Variants in FBXL2 observed in about 807,000 individuals in gnomAD.
The protein encoded by FBXL2 is F-box and leucine rich repeat protein 2, also known as F-box/LRR-repeat protein 2.
Under a neutral mutation model 69.2 loss-of-function variants are expected in FBXL2, and 38 were observed. The ratio of observed to expected loss-of-function variants is 0.55; its 90% CI spans 0.42 to 0.72. FBXL2 has a LOEUF of 0.72. Among genes scored for constraint, FBXL2 ranks in the 30% least tolerant of loss-of-function variants. The pLI, the probability that FBXL2 is intolerant of heterozygous loss-of-function variation, is 0.00. For missense variants in FBXL2, 354 were observed against 520.3 expected (o/e 0.68, Z 3.11); for synonymous variants, 192 against 201.3 (o/e 0.95, Z 0.39).
chr3:33,327,092 TTCTG>T (rs1291425432), intron 2 of FBXL2, among the ~76,000 whole-genome samples: 1 of 152,200 alleles, frequency 6.6e-6, no homozygotes, highest in Non-Finnish European at 1.5e-5. Context: ...GTACCATATA[TTCTG>T]TCTAATGTTT....
chr3:33,305,286 A>T (rs2036614299), intron 2 of FBXL2, among the ~76,000 whole-genome samples: 1 of 151,974 alleles, frequency 6.6e-6, no homozygotes. Context: ...ACTGTGGTAC[A>T]TATGTTTATA....
At chr3:33,297,234 A>G (rs930867340) in intron 1 of FBXL2, among the ~76,000 whole-genome samples, 3 of 152,184 alleles carry the variant, frequency 2.0e-5, no homozygotes, top group Non-Finnish European at 2.9e-5. Flanking sequence ...TTATTTTTAT[A>G]TAACTATATT....
Position 33,387,025 on chromosome 3 carries a change from AAGC to A in FBXL2, c.*1420_*1422del, listed in dbSNP as rs1001604554. Reference sequence around the variant, plus strand: ...TATGTCAGCTGCATTCTAGGAAGAGAAGCAGATTATATATATATATAATCTCCC... The same window carrying A: ...TATGTCAGCTGCATTCTAGGAAGAGAAGATTATATATATATATAATCTCCC... On this transcript the variant is annotated 3_prime_UTR_variant, in exon 15 of 15. Coordinates refer to ENST00000484457, the MANE Select transcript of FBXL2 (RefSeq NM_012157.5). 3.9e-5 allele frequency: 6 copies of A among 152,204 alleles called. No individual in the cohort carries two copies. The highest frequency in any genetic ancestry group is 1.4e-4 in the African/African-American group (6 of 41,454). The allele number at this position is 152,204 out of a possible 1,614,324, so 9.4% of individuals were successfully genotyped here.
At chr3:33,399,622 A>G (rs1485200041) in intron 12 of FBXL2, among the ~76,000 whole-genome samples, 1 of 152,218 alleles carries the variant, frequency 6.6e-6, no homozygotes, top group African/African-American at 2.4e-5. Context: ...CAGAATGTAA[A>G]GTGGTTGCCA....
the FBXL2 span, among the ~76,000 whole-genome samples, chr3:33,415,024 T>C: frequency 6.6e-6 from 1 of 152,236 alleles, no homozygotes; most frequent in South Asian, 2.1e-4. Context: ...TAATTTTGTA[T>C]ATTAAATGTT....
intron 4 of FBXL2, among the ~76,000 whole-genome samples, chr3:33,359,630 C>T (rs1030338597): frequency 1.3e-5 from 2 of 151,910 alleles, no homozygotes; most frequent in Non-Finnish European, 2.9e-5. Flanking sequence ...ATCATTATCA[C>T]CTGGTTCAGT....
downstream of FBXL2, among the ~76,000 whole-genome samples, chr3:33,408,424 G>A (rs937631282): frequency 1.3e-5 from 2 of 152,120 alleles, no homozygotes; most frequent in East Asian, 3.9e-4. Flanking sequence ...GTCAGGGAGG[G>A]AATACATATC....
chr3:33,412,799 C>A, the FBXL2 span: 1 of 1,613,952 alleles, frequency 6.2e-7, no homozygotes, highest in East Asian at 2.2e-5. Flanking sequence ...TTGTAGCCGT[C>A]TGTCATGGAA....
downstream of FBXL2, chr3:33,392,964 GTTTT>G (rs1226412538): frequency 3.2e-6 from 1 of 310,924 alleles, no homozygotes; most frequent in Admixed American, 4.9e-5. Flanking sequence ...TATCTTACAT[GTTTT>G]TTTAAATTAG....
chr3:33,377,320 C>T lies in FBXL2; in HGVS notation c.836C>T (p.Thr279Ile). ...RCSHLTDAGF[T>I]LLARNCHELE... ...TCCCATTTGACTGACGCAGGTTTTA[C>T]ACTTTTAGCTCGGGTAAGGCATAGA... Residue 279 changes from threonine (T) to isoleucine (I), a missense_variant, in exon 11 of 15, where the codon ACA (threonine) becomes ATA (isoleucine). Coordinates refer to ENST00000484457, the MANE Select transcript of FBXL2 (RefSeq NM_012157.5). 2 of 1,614,172 alleles carry T rather than the reference C, an allele frequency of 1.2e-6. No individual in the cohort carries two copies. The highest frequency in any genetic ancestry group is 1.1e-5 in the South Asian group (1 of 91,086).
chr3:33,297,603 T>G lies in FBXL2; in HGVS notation c.4-61T>G, dbSNP rs932056536. 33 of 1,072,802 alleles carry G rather than the reference T, an allele frequency of 3.1e-5. No individual in the cohort carries two copies. In the South Asian group the frequency reaches 4.1e-4, roughly 13 times the overall value. The allele number at this position is 1,072,802 out of a possible 1,614,324, so 66.5% of individuals were successfully genotyped here. A position where few individuals can be genotyped will look rare whatever the true frequency, so the allele number is the denominator to read the frequency against. On this transcript the variant is annotated intron_variant, in intron 1 of 14. Transcript: ENST00000484457. ...TCTGATCTAGTAGTATAAAAACAAT[T>G]AATTTTTTCCACATTGATTAAAGAA...
At chr3:33,397,680 C>T (rs1295342013) in intron 12 of FBXL2, 1 of 152,092 alleles carries the variant, frequency 6.6e-6, no homozygotes, top group Admixed American at 6.5e-5. Context: ...ACAACTCTGT[C>T]ACAGCAGCTA....
intron 13 of FBXL2, chr3:33,383,740 G>C (rs1014620658): frequency 1.3e-5 from 6 of 473,516 alleles, no homozygotes; most frequent in Non-Finnish European, 2.3e-5. Context: ...CTTTGTGTTT[G>C]GTCCTCACTG....
intron 2 of FBXL2, among the ~76,000 whole-genome samples, chr3:33,346,402 C>G (rs1011148712): frequency 6.6e-6 from 1 of 151,518 alleles, no homozygotes; most frequent in African/African-American, 2.4e-5. Flanking sequence ...GAGACCCCAT[C>G]TCTATCAAGA....
At chr3:33,300,764 A>G (rs2036208201) in intron 2 of FBXL2, among the ~76,000 whole-genome samples, 1 of 147,912 alleles carries the variant, frequency 6.8e-6, no homozygotes, top group Admixed American at 6.8e-5. Context: ...GCTGGAGTGC[A>G]ATGGCGCAAT....
At chr3:33,408,817 T>G in the FBXL2 span, 2 of 1,591,182 alleles carry the variant, frequency 1.3e-6, no homozygotes, top group East Asian at 4.5e-5. Context: ...CACCAAAGAT[T>G]GGGATCAATG....
intron 2 of FBXL2, among the ~76,000 whole-genome samples, chr3:33,330,574 C>T (rs1276247323): frequency 6.6e-6 from 1 of 152,028 alleles, no homozygotes; most frequent in Non-Finnish European, 1.5e-5. Flanking sequence ...TTGATCTTTA[C>T]ACGTTATATG....
chr3:33,306,356 T>C (rs766962565), intron 2 of FBXL2, among the ~76,000 whole-genome samples: 19 of 152,144 alleles, frequency 1.2e-4, no homozygotes, highest in Non-Finnish European at 2.1e-4. Context: ...TCAATAAACT[T>C]TGCCAGTCAC....
At chr3:33,349,299 G>A (rs2154035527) in intron 2 of FBXL2, among the ~76,000 whole-genome samples, 1 of 152,044 alleles carries the variant, frequency 6.6e-6, no homozygotes, top group East Asian at 1.9e-4. Context: ...TTTGTTGAGG[G>A]GTTTTATCCT....
Sources: allele counts gnomAD v4.1 joint callset (sites outside exome capture counted in the v4.1 genomes callset), GRCh38; gene constraint gnomAD v4.1.1; transcripts MANE v1.5; gene names NCBI Gene and HGNC (gene_info 2026-07-23, HGNC 2026-07-21).